Variants in ANK1 observed in about 807,000 individuals in gnomAD.
ANK1 encodes the protein ankyrin 1.
A neutral mutation model predicts 210.4 loss-of-function variants in ANK1; 51 were observed. The ratio of observed to expected loss-of-function variants is 0.24; its 90% CI spans 0.19 to 0.31. The LOEUF is 0.31. Ranked by LOEUF, ANK1 falls within the 10% of genes least tolerant of loss-of-function variation. The pLI, the probability that ANK1 is intolerant of heterozygous loss-of-function variation, is 1.00. For synonymous variants in ANK1, 967 were observed against 1,025.9 expected, an observed-to-expected ratio of 0.94 and a Z score of 1.10; for missense variants, 2,051 against 2,504.4, an observed-to-expected ratio of 0.82 and a Z score of 3.86.
rs141622329 is a variant in ANK1 at position 41,845,178 on chromosome 8, A to G, written c.126+51177T>C. On this transcript the variant is annotated intron_variant, in intron 1 of 42. Transcript: ENST00000265709. The stretch of plus-strand genomic sequence containing the variant: ...GGCAGGCGGATTGCCTGAGCTCAGG[A>G]GTTCGAGACCATCCTGTCCAACATG... 4.2e-3 allele frequency among the ~76,000 whole-genome samples: 636 copies of G among 152,224 alleles called. 3 individuals are homozygous for G. Among genetic ancestry groups the G allele is most frequent in the African/African-American group, 0.014 (578 of 41,532 alleles).
At chr8:41,700,032 G>A (rs977597959) in intron 22 of ANK1, among the ~76,000 whole-genome samples, 2 of 152,160 alleles carry the variant, frequency 1.3e-5, no homozygotes, top group Admixed American at 6.6e-5. Flanking sequence ...CGGGTCAATC[G>A]GCTGCCTACA....
intron 1 of ANK1, chr8:41,829,884 C>T (rs1471802055): frequency 2.9e-5 from 4 of 138,588 alleles, no homozygotes; most frequent in African/African-American, 8.3e-5. Context: ...TGCAGTGAGC[C>T]GAGATCGCCC....
chr8:41,777,909 G>C (rs1205950455), intron 1 of ANK1, among the ~76,000 whole-genome samples: 1 of 152,136 alleles, frequency 6.6e-6, no homozygotes, highest in South Asian at 2.1e-4. Context: ...CCTTCGGAGA[G>C]AGACATTTCC....
chr8:41,782,608 G>A (rs1173902423), intron 1 of ANK1, among the ~76,000 whole-genome samples: 3 of 152,192 alleles, frequency 2.0e-5, no homozygotes, highest in African/African-American at 7.2e-5. Context: ...CAGAAAGGAC[G>A]GGGCCGCCTG....
intron 1 of ANK1, among the ~76,000 whole-genome samples, chr8:41,859,107 T>C (rs1315124073): frequency 3.9e-5 from 6 of 152,160 alleles, no homozygotes; most frequent in Non-Finnish European, 7.4e-5. Context: ...CCTGGGGATT[T>C]CCCGCCCAAA....
chr8:41,795,285 G>T (rs1848547941), intron 1 of ANK1, among the ~76,000 whole-genome samples: 1 of 152,074 alleles, frequency 6.6e-6, no homozygotes, highest in Admixed American at 6.6e-5. Flanking sequence ...GGCTGAAGCG[G>T]GTGGATCACC....
chr8:41,715,819 G>C lies in ANK1; in HGVS notation c.1435C>G (p.Arg479Gly). 6.2e-7 allele frequency: 1 copy of C among 1,614,222 alleles called. No individual in the cohort carries two copies. Among genetic ancestry groups the C allele is most frequent in the Non-Finnish European group, 8.5e-7 (1 of 1,180,040 alleles). The change falls in exon 14 of 43, where the codon CGC (arginine) becomes GGC (glycine). Residue 479 changes from arginine to glycine, a missense_variant. This residue lies in a region of ANK1 where 1,413 missense variants were observed against 1,707.4 expected (regional missense o/e 0.83). Coordinates refer to ENST00000289734, the MANE Select transcript of ANK1 (RefSeq NM_000037.4). ...TTCACCATGTTTGTGTGGCCGATGC[G>C]AGCTGCACAGTGAAGTGGGGTCTGG... Reference protein sequence around the residue: ...DDQTPLHCAARIGHTNMVKLL... With the variant: ...DDQTPLHCAAGIGHTNMVKLL...
chr8:41,744,837 A>G (rs1835693547), intron 2 of ANK1, among the ~76,000 whole-genome samples: 1 of 152,092 alleles, frequency 6.6e-6, no homozygotes, highest in Non-Finnish European at 1.5e-5. Flanking sequence ...GCCCGATGGG[A>G]GCATGATTTC....
intron 1 of ANK1, among the ~76,000 whole-genome samples, chr8:41,782,830 A>T (rs867356985): frequency 2.0e-5 from 3 of 152,370 alleles, no homozygotes; most frequent in Admixed American, 1.3e-4. Context: ...TGTTCAGCTT[A>T]TCAAATTTCA....
At chr8:41,852,771 T>C (rs1188036048) in intron 1 of ANK1, among the ~76,000 whole-genome samples, 1 of 152,222 alleles carries the variant, frequency 6.6e-6, no homozygotes, top group Non-Finnish European at 1.5e-5. Flanking sequence ...CACCCAGGTC[T>C]GTCTGACCTC....
At chr8:41,753,417 T>C (rs1838281082) in intron 2 of ANK1, among the ~76,000 whole-genome samples, 1 of 151,338 alleles carries the variant, frequency 6.6e-6, no homozygotes, top group Non-Finnish European at 1.5e-5. Context: ...ACTGTCCCCC[T>C]CCCCCAGACC....
At chr8:41,824,869 T>G (rs1322625934) in intron 1 of ANK1, among the ~76,000 whole-genome samples, 1 of 152,188 alleles carries the variant, frequency 6.6e-6, no homozygotes, top group Non-Finnish European at 1.5e-5. Context: ...GAGGGCTGGC[T>G]GCAGAGCTGG....
At position 41,743,635 on chromosome 8, in the gene ANK1, T is replaced by C. The variant is rs573463493; in HGVS notation, c.130-9566A>G. ...GACAGCTAATGGAGTGGTTGGGAGG[T>C]TGTCATCACACTGAGCAAACAAGTC... On this transcript the variant is annotated intron_variant, in intron 2 of 42. Coordinates refer to ENST00000289734, the MANE Select transcript of ANK1 (RefSeq NM_000037.4). Among the ~76,000 whole-genome samples the C allele has an allele frequency of 4.6e-5, 7 of 151,864 alleles. No homozygotes were observed. In the South Asian group the frequency reaches 1.5e-3, roughly 32 times the overall value.
chr8:41,728,936 G>A (rs543886051), intron 3 of ANK1, among the ~76,000 whole-genome samples: 5 of 152,288 alleles, frequency 3.3e-5, no homozygotes, highest in Admixed American at 6.5e-5. Flanking sequence ...AAGGCAACAA[G>A]CCCTCTGAGA....
rs1054678161 is a variant in ANK1 at position 41,723,482 on chromosome 8, G to A, written c.810+53C>T. The A allele has an allele frequency of 4.4e-6, 7 of 1,593,330 alleles. No homozygotes were observed. The African/African-American group carries it at 9.4e-5, about 21-fold the overall frequency. ...GGGCCCGCTGCTCTGGGTGAGGCTT[G>A]TGAGGGGGGACCTCCCTCCCCCTGC... On this transcript the variant is annotated intron_variant, in intron 8 of 42. Coordinates refer to ENST00000289734, the MANE Select transcript of ANK1 (RefSeq NM_000037.4).
intron 1 of ANK1, among the ~76,000 whole-genome samples, chr8:41,831,671 A>G (rs1017396766): frequency 4.0e-5 from 6 of 151,792 alleles, no homozygotes; most frequent in Non-Finnish European, 8.8e-5. Context: ...AGAAAAAGAA[A>G]AAAGGAATGA....
intron 1 of ANK1, among the ~76,000 whole-genome samples, chr8:41,811,475 C>T (rs1416437116): frequency 1.3e-5 from 2 of 152,218 alleles, no homozygotes; most frequent in Non-Finnish European, 2.9e-5. Flanking sequence ...GCTGCCATTG[C>T]CCCGCGACTC....
chr8:41,696,244 G>GAAAAGTC, intron 26 of ANK1, 119 bp downstream of exon 26: 3 of 1,172,272 alleles, frequency 2.6e-6, no homozygotes, highest in Non-Finnish European at 3.8e-6. Flanking sequence ...CGTGTGTCAG[G>GAAAAGTC]AAAAGTCAGG....
In ANK1 at chr8:41,725,815, C is replaced by A. The variant is rs1221882022; in HGVS notation, c.558G>T (p.Thr186=). The A allele has an allele frequency of 6.2e-7, 1 of 1,612,056 alleles. No individual in the cohort carries two copies. Among genetic ancestry groups the A allele is most frequent in the African/African-American group, 1.3e-5 (1 of 75,026 alleles). ...ALHIAARNDD[T]RTAAVLLQND... ...TCTGCAGCAGCACCGCAGCCGTGCG[C>A]GTGTCGTCGTTGCGGGCCGCGATGT... Residue 186 remains threonine, a synonymous_variant, in exon 6 of 43, where the codon ACG becomes ACT. Transcript: ENST00000289734.
Sources: allele counts gnomAD v4.1 joint callset (sites outside exome capture counted in the v4.1 genomes callset), GRCh38; gene constraint gnomAD v4.1.1; regional missense constraint gnomAD v4.1.1; transcripts MANE v1.5; gene names NCBI Gene and HGNC (gene_info 2026-07-23, HGNC 2026-07-21).